Variants in MARCHF3 observed in about 807,000 individuals in gnomAD.
MARCHF3 encodes membrane associated ring-CH-type finger 3.
Under a neutral mutation model 24.2 loss-of-function variants are expected in MARCHF3, and 13 were observed. That is an observed-to-expected ratio of 0.54 (90% CI 0.35 to 0.85). MARCHF3 has a LOEUF of 0.85. Among genes scored for constraint, MARCHF3 ranks in the 40% least tolerant of loss-of-function variants. MARCHF3 has a pLI of 0.01. For missense variants in MARCHF3, 276 were observed against 325.0 expected (o/e 0.85, Z 1.16); for synonymous variants, 144 against 137.3 (o/e 1.05, Z -0.34).
chr5:126,935,634 G>T (rs1384404307), intron 1 of MARCHF3, among the ~76,000 whole-genome samples: 3 of 118,364 alleles, frequency 2.5e-5, no homozygotes, highest in African/African-American at 1.0e-4. Flanking sequence ...TTTTGAGACG[G>T]AGTTTTGCTC....
intron 3 of MARCHF3, among the ~76,000 whole-genome samples, chr5:126,909,846 C>A (rs892770827): frequency 1.5e-4 from 23 of 152,120 alleles, no homozygotes; most frequent in African/African-American, 5.6e-4. Context: ...CCATTGTCCT[C>A]CAGTGACTTC....
chr5:127,013,716 C>T (rs535590842), intron 1 of MARCHF3, among the ~76,000 whole-genome samples: 6 of 152,100 alleles, frequency 3.9e-5, no homozygotes, highest in Non-Finnish European at 8.8e-5. Flanking sequence ...ACCAATGTAA[C>T]AAAACAGAAA....
chr5:126,962,813 C>CTGTG (rs60754212), intron 1 of MARCHF3, among the ~76,000 whole-genome samples: 9 of 109,978 alleles, frequency 8.2e-5, no homozygotes, highest in East Asian at 2.3e-4. Flanking sequence ...AATACTCAAC[C>CTGTG]TGTGTGTGTG....
chr5:126,895,677 C>A (rs1753860581), intron 3 of MARCHF3, among the ~76,000 whole-genome samples: 1 of 152,142 alleles, frequency 6.6e-6, no homozygotes, highest in African/African-American at 2.4e-5. Flanking sequence ...GTTCTCAGAT[C>A]TCCAGCTGCA....
intron 1 of MARCHF3, among the ~76,000 whole-genome samples, chr5:126,922,788 C>T (rs559572644): frequency 4.6e-5 from 7 of 152,090 alleles, no homozygotes; most frequent in South Asian, 2.1e-4. Context: ...TCTCGTGATC[C>T]GCCCACCTCG....
At chr5:126,912,698 C>T (rs2126790884) in intron 3 of MARCHF3, among the ~76,000 whole-genome samples, 1 of 152,314 alleles carries the variant, frequency 6.6e-6, no homozygotes, top group South Asian at 2.1e-4. Flanking sequence ...GTTTAAAACT[C>T]TGCCCGCACC....
At chr5:126,921,274 A>G (rs1393645770) in intron 1 of MARCHF3, among the ~76,000 whole-genome samples, 1 of 152,154 alleles carries the variant, frequency 6.6e-6, no homozygotes, top group African/African-American at 2.4e-5. Flanking sequence ...ACTCTTGAAC[A>G]TGGTGGGGAT....
intron 3 of MARCHF3, among the ~76,000 whole-genome samples, chr5:126,909,103 G>T (rs1754411596): frequency 1.3e-5 from 2 of 152,170 alleles, no homozygotes; most frequent in Admixed American, 6.5e-5. Flanking sequence ...GTCTGCCCCT[G>T]CTGGGGGTGC....
chr5:126,986,595 T>TA (rs1231933996), intron 1 of MARCHF3, among the ~76,000 whole-genome samples: 5 of 152,148 alleles, frequency 3.3e-5, no homozygotes, highest in Admixed American at 2.6e-4. Context: ...CATGAATATA[T>TA]AAAAAACTCT....
At chr5:127,002,607 T>A (rs1752165303) in intron 1 of MARCHF3, among the ~76,000 whole-genome samples, 1 of 152,236 alleles carries the variant, frequency 6.6e-6, no homozygotes, top group Admixed American at 6.5e-5. Context: ...TAAAAATGCT[T>A]AGTTACGTTA....
chr5:126,901,295 G>C (rs1413839653), intron 3 of MARCHF3, among the ~76,000 whole-genome samples: 1 of 152,020 alleles, frequency 6.6e-6, no homozygotes, highest in Admixed American at 6.6e-5. Flanking sequence ...CTTTGCCTCA[G>C]AAATGGGTAA....
intron 1 of MARCHF3, among the ~76,000 whole-genome samples, chr5:127,004,040 G>T (rs1445199633): frequency 6.6e-6 from 1 of 152,138 alleles, no homozygotes; most frequent in South Asian, 2.1e-4. Context: ...GGCACACAGG[G>T]TGTGGACATG....
intron 1 of MARCHF3, among the ~76,000 whole-genome samples, chr5:126,973,121 G>A (rs1751071204): frequency 6.6e-6 from 1 of 152,156 alleles, no homozygotes; most frequent in Non-Finnish European, 1.5e-5. Flanking sequence ...TATCTCCCTT[G>A]AGAAGCACTG....
At chr5:127,019,250 A>G (rs1752721899) in intron 1 of MARCHF3, among the ~76,000 whole-genome samples, 1 of 152,160 alleles carries the variant, frequency 6.6e-6, no homozygotes, top group African/African-American at 2.4e-5. Context: ...TTGTATCCAG[A>G]TAGTAATGAG....
intron 1 of MARCHF3, among the ~76,000 whole-genome samples, chr5:126,960,525 A>T (rs1385879542): frequency 6.7e-6 from 1 of 149,640 alleles, no homozygotes; most frequent in Non-Finnish European, 1.5e-5. Context: ...GCAAACCCTA[A>T]AACTTTTCTT....
At chr5:126,967,709 C>A (rs1750865258) in intron 1 of MARCHF3, among the ~76,000 whole-genome samples, 1 of 152,126 alleles carries the variant, frequency 6.6e-6, no homozygotes, top group Non-Finnish European at 1.5e-5. Flanking sequence ...TTTTGTCAGC[C>A]TTTTTCATCT....
At chr5:126,961,941 G>A (rs531835288) in intron 1 of MARCHF3, among the ~76,000 whole-genome samples, 3 of 152,242 alleles carry the variant, frequency 2.0e-5, no homozygotes, top group Admixed American at 2.0e-4. Flanking sequence ...CAACCCCAGT[G>A]ATACCACTAC....
At chr5:126,960,924 A>G (rs750494402) in intron 1 of MARCHF3, among the ~76,000 whole-genome samples, 3 of 152,152 alleles carry the variant, frequency 2.0e-5, no homozygotes, top group Non-Finnish European at 4.4e-5. Context: ...AAATGATCAG[A>G]CAATAAATAT....
intron 1 of MARCHF3, among the ~76,000 whole-genome samples, chr5:126,959,811 T>C (rs903069742): frequency 4.6e-5 from 7 of 152,146 alleles, no homozygotes; most frequent in Admixed American, 6.5e-5. Flanking sequence ...TATACCTCCA[T>C]GGAAAACAAC....
Sources: gnomAD v4.1 joint callset for allele counts (sites outside exome capture counted in the v4.1 genomes callset) on GRCh38, gnomAD v4.1.1 for gene constraint, MANE v1.5 for transcripts, NCBI Gene and HGNC (gene_info 2026-07-23, HGNC 2026-07-21) for gene names.